Variants in DIP2C observed in about 807,000 individuals in gnomAD.
DIP2C encodes the protein DIP2 acetate--CoA ligase C (putative).
DIP2C carries 33 observed loss-of-function variants against 192.4 expected under a neutral mutation model. That is an observed-to-expected ratio of 0.17 (90% confidence interval 0.13 to 0.23). The LOEUF is 0.23. DIP2C is among the 10% of genes least tolerant of loss of function. The probability of loss-of-function intolerance (pLI) is 1.00; values close to 1 mark genes in which losing one functional copy is unlikely to be tolerated. For missense variants in DIP2C, 1,537 were observed against 2,110.1 expected (o/e 0.73, Z 5.32); for synonymous variants, 979 against 864.1 (o/e 1.13, Z -2.33).
At chr10:543,575 G>A (rs1440703786) in intron 1 of DIP2C, among the ~76,000 whole-genome samples, 2 of 152,238 alleles carry the variant, frequency 1.3e-5, no homozygotes, top group African/African-American at 4.8e-5. Context: ...AAGATAGGCT[G>A]TAACATATAG....
intron 4 of DIP2C, among the ~76,000 whole-genome samples, chr10:425,863 C>T (rs1421305123): frequency 1.3e-5 from 2 of 152,226 alleles, no homozygotes; most frequent in Non-Finnish European, 2.9e-5. Context: ...AAGGCAATTT[C>T]CTCAACCTGT....
At chr10:650,991 C>A in intron 1 of DIP2C, 2 of 717,468 alleles carry the variant, frequency 2.8e-6, no homozygotes, top group Non-Finnish European at 5.2e-6. Context: ...CTCTCCATCT[C>A]TCCCGGTGCC....
chr10:275,686 T>G lies in DIP2C; in HGVS notation c.*1639A>C, dbSNP rs1157108030. The stretch of plus-strand genomic sequence containing the variant: ...CCACTGCGGGGTCACACTGGGGCAG[T>G]TACAGAACACATCTTTCTCGGAGTG... On this transcript the variant is annotated 3_prime_UTR_variant, in exon 37 of 37. Coordinates refer to ENST00000280886, the MANE Select transcript of DIP2C (RefSeq NM_014974.3). The G allele has an allele frequency of 6.6e-6, 1 of 151,866 alleles. No individual in the cohort carries two copies. The highest frequency in any genetic ancestry group is 1.5e-5 in the Non-Finnish European group (1 of 67,972). The allele number at this position is 151,866 out of a possible 1,614,324, so 9.4% of individuals were successfully genotyped here.
At chr10:461,490 C>T (rs1362635851) in intron 3 of DIP2C, among the ~76,000 whole-genome samples, 2 of 152,152 alleles carry the variant, frequency 1.3e-5, no homozygotes, top group African/African-American at 2.4e-5. Context: ...GGCCAACTAT[C>T]CTAAATATAT....
At chr10:509,831 C>G (rs1434980928) in intron 1 of DIP2C, among the ~76,000 whole-genome samples, 1 of 151,906 alleles carries the variant, frequency 6.6e-6, no homozygotes, top group African/African-American at 2.4e-5. Context: ...TTGGAGAGGA[C>G]AGGGCCGCCG....
intron 1 of DIP2C, among the ~76,000 whole-genome samples, chr10:687,996 A>T (rs74117336): frequency 6.6e-6 from 1 of 152,144 alleles, no homozygotes; most frequent in Admixed American, 6.5e-5. Flanking sequence ...TGCTGCAGGC[A>T]GGGGTGCACC....
chr10:345,149 C>T, intron 26 of DIP2C, 39 bp from the exon 27 acceptor site: 3 of 1,573,748 alleles, frequency 1.9e-6, no homozygotes, highest in Non-Finnish European at 2.6e-6. Flanking sequence ...TGAACGTGGA[C>T]CCAGATGAAA....
In DIP2C at chr10:310,022, G is replaced by A; in HGVS notation, c.3986+9C>T. 1 of 1,614,046 alleles carries A rather than the reference G, an allele frequency of 6.2e-7. No individual in the cohort carries two copies. The highest frequency in any genetic ancestry group is 8.5e-7 in the Non-Finnish European group (1 of 1,179,942). On this transcript the variant is annotated intron_variant, in intron 32 of 36. Coordinates refer to ENST00000280886, the MANE Select transcript of DIP2C (RefSeq NM_014974.3). ...GGAAAAAAAGAAAAAACCCAGAAGT[G>A]TACAGTACCTGTCGTGTCTCAGGGC... is the stretch of plus-strand genomic sequence containing the variant.
chr10:357,581 G>C (rs1248674229), intron 23 of DIP2C, among the ~76,000 whole-genome samples: 5 of 152,190 alleles, frequency 3.3e-5, no homozygotes, highest in Non-Finnish European at 4.4e-5. Flanking sequence ...AAATTATATG[G>C]TCTCTTGCAG....
chr10:300,630 G>A (rs919065640), intron 32 of DIP2C, among the ~76,000 whole-genome samples: 22 of 149,518 alleles, frequency 1.5e-4, no homozygotes, highest in African/African-American at 4.4e-4. Flanking sequence ...ACCCAGGCGC[G>A]GCCCTGAGCG....
chr10:596,596 A>T (rs1851722296), intron 1 of DIP2C, among the ~76,000 whole-genome samples: 1 of 151,408 alleles, frequency 6.6e-6, no homozygotes, highest in Admixed American at 6.6e-5. Flanking sequence ...TTATTCAGCC[A>T]TGAGATACAT....
At chr10:312,722 G>A (rs1956616039) in intron 31 of DIP2C, among the ~76,000 whole-genome samples, 1 of 152,270 alleles carries the variant, frequency 6.6e-6, no homozygotes, top group South Asian at 2.1e-4. Flanking sequence ...AAGAGAGGCA[G>A]AGCATGAATA....
chr10:285,008 C>A (rs1955022797), intron 34 of DIP2C, among the ~76,000 whole-genome samples: 1 of 152,182 alleles, frequency 6.6e-6, no homozygotes, highest in Admixed American at 6.5e-5. Flanking sequence ...AGGACACCCT[C>A]CAGGTGCCGG....
intron 2 of DIP2C, among the ~76,000 whole-genome samples, 159 bp downstream of exon 2, chr10:486,300 C>T (rs959258202): frequency 6.6e-6 from 1 of 152,180 alleles, no homozygotes; most frequent in African/African-American, 2.4e-5. Context: ...TCACACAGCA[C>T]GTGTGATCAC....
chr10:340,533 T>C (rs79800875), intron 29 of DIP2C: 5,322 of 349,964 alleles, frequency 0.015, 65 homozygotes, highest in Non-Finnish European at 0.022. Flanking sequence ...TGGGTATTTA[T>C]TGGTAACACT....
At chr10:669,910 T>G (rs1012738929) in intron 1 of DIP2C, among the ~76,000 whole-genome samples, 1 of 152,252 alleles carries the variant, frequency 6.6e-6, no homozygotes, top group Non-Finnish European at 1.5e-5. Flanking sequence ...TTTTGGAATT[T>G]ATTCATTTAA....
At chr10:326,791 G>A (rs1416872221) in intron 31 of DIP2C, among the ~76,000 whole-genome samples, 2 of 152,218 alleles carry the variant, frequency 1.3e-5, no homozygotes, top group South Asian at 2.1e-4. Context: ...CCAGGACAGA[G>A]TAAGTCCTAT....
At chr10:504,489 G>A (rs1175340583) in intron 1 of DIP2C, among the ~76,000 whole-genome samples, 9 of 152,324 alleles carry the variant, frequency 5.9e-5, no homozygotes, top group Non-Finnish European at 1.3e-4. Context: ...CCTTAGGCCG[G>A]GAGAGCGAGG....
At chr10:376,964 A>G (rs1269795614) in intron 17 of DIP2C, among the ~76,000 whole-genome samples, 3 of 152,192 alleles carry the variant, frequency 2.0e-5, no homozygotes, top group African/African-American at 4.8e-5. Context: ...TTTTAATAGG[A>G]AAAGATACAA....
Sources: allele counts gnomAD v4.1 joint callset (sites outside exome capture counted in the v4.1 genomes callset), GRCh38; gene constraint gnomAD v4.1.1; transcripts MANE v1.5; gene names NCBI Gene and HGNC (gene_info 2026-07-23, HGNC 2026-07-21).